Variants in B3GALT5 observed in about 807,000 individuals in gnomAD.
B3GALT5 encodes beta-1,3-galactosyltransferase 5, also known as UDP-Gal:betaGlcNAc beta 1,3-galactosyltransferase, polypeptide 5.
For missense variants in B3GALT5, 328 were observed against 396.6 expected (o/e 0.83, Z 1.47); for synonymous variants, 156 against 158.6 (o/e 0.98, Z 0.12).
chr21:39,639,627 G>A (rs1329232514), intron 1 of B3GALT5, among the ~76,000 whole-genome samples: 16 of 151,260 alleles, frequency 1.1e-4, no homozygotes, highest in African/African-American at 3.9e-4. Flanking sequence ...TTACAGGCGG[G>A]TGCCACCACG....
intron 2 of B3GALT5, among the ~76,000 whole-genome samples, chr21:39,655,801 T>A (rs868258112): frequency 6.6e-6 from 1 of 152,100 alleles, no homozygotes; most frequent in African/African-American, 2.4e-5. Context: ...GCGGGGAGGC[T>A]CCAGGCCATG....
chr21:39,646,059 A>G (rs977643284), intron 1 of B3GALT5, among the ~76,000 whole-genome samples: 1 of 151,464 alleles, frequency 6.6e-6, no homozygotes, highest in African/African-American at 2.4e-5. Flanking sequence ...TTGATTCTAC[A>G]TGCTTTTTAA....
chr21:39,628,927 CAG>C (rs2079177811), intron 1 of B3GALT5, among the ~76,000 whole-genome samples: 1 of 152,126 alleles, frequency 6.6e-6, no homozygotes, highest in African/African-American at 2.4e-5. Context: ...TAACTGTGCC[CAG>C]AGTCTTGTAA....
Position 39,665,218 on chromosome 21 carries a change from A to C in B3GALT5, c.*3726A>C, listed in dbSNP as rs1407996283. 1 of 152,082 alleles carries C rather than the reference A, an allele frequency of 6.6e-6. No individual in the cohort carries two copies. Among genetic ancestry groups the C allele is most frequent in the Non-Finnish European group, 1.5e-5 (1 of 68,084 alleles). 9.4% of individuals were successfully genotyped at this position (152,082 alleles called of 1,614,324 possible). A position where few individuals can be genotyped will look rare whatever the true frequency, so the allele number is the denominator to read the frequency against. On this transcript the variant is annotated 3_prime_UTR_variant, in exon 4 of 4. Transcript: ENST00000684187. ...CCTCTCCCATCTGGTGCATCAGGAA[A>C]GACTGTGGGAACTACCTTCAAATTC...
rs1401833150 is a variant in B3GALT5 at position 39,662,782 on chromosome 21, A to G, written c.*1290A>G. 6.0e-6 allele frequency: 1 copy of G among 167,114 alleles called. No homozygotes were observed. Among genetic ancestry groups the G allele is most frequent in the Middle Eastern group, 3.1e-3 (1 of 318 alleles). 10.4% of individuals were successfully genotyped at this position (167,114 alleles called of 1,614,324 possible). ...ATGCAAAGTAATCTTGCTCCTAATT[A>G]TAGAAATGATTTTTCTTTTAATTTT... is the stretch of plus-strand genomic sequence containing the variant. On this transcript the variant is annotated 3_prime_UTR_variant, in exon 4 of 4. Transcript: ENST00000684187.
intron 1 of B3GALT5, among the ~76,000 whole-genome samples, chr21:39,615,012 C>T (rs1029855178): frequency 2.6e-5 from 4 of 152,184 alleles, no homozygotes; most frequent in Non-Finnish European, 5.9e-5. Context: ...CTATAACAGC[C>T]TTGTTCCTGG....
chr21:39,634,553 C>T (rs900868072), intron 1 of B3GALT5, among the ~76,000 whole-genome samples: 6 of 151,966 alleles, frequency 3.9e-5, no homozygotes, highest in Non-Finnish European at 7.4e-5. Context: ...CTGCGGGTCG[C>T]TCACATCTAT....
chr21:39,655,642 C>T (rs534076202), intron 2 of B3GALT5, among the ~76,000 whole-genome samples: 9 of 152,280 alleles, frequency 5.9e-5, no homozygotes, highest in African/African-American at 1.9e-4. Flanking sequence ...GGGCATTCCT[C>T]TTTAAGGAAA....
intron 1 of B3GALT5, among the ~76,000 whole-genome samples, chr21:39,646,039 A>G (rs953591062): frequency 2.0e-5 from 3 of 151,194 alleles, no homozygotes; most frequent in African/African-American, 7.3e-5. Flanking sequence ...TTATGAAAAC[A>G]TCTCTTTTAT....
intron 1 of B3GALT5, among the ~76,000 whole-genome samples, chr21:39,627,266 A>G (rs2079169068): frequency 6.6e-6 from 1 of 152,166 alleles, no homozygotes; most frequent in Admixed American, 6.6e-5. Context: ...CTGTGATGCC[A>G]TGAAGGGGAA....
intron 2 of B3GALT5, among the ~76,000 whole-genome samples, chr21:39,648,524 G>A (rs540735705): frequency 9.8e-5 from 15 of 152,296 alleles, no homozygotes; most frequent in African/African-American, 3.6e-4. Flanking sequence ...GAAGCACAGT[G>A]GATAGGTTGG....
chr21:39,620,346 C>T (rs2079127987), intron 1 of B3GALT5, among the ~76,000 whole-genome samples: 1 of 152,096 alleles, frequency 6.6e-6, no homozygotes, highest in South Asian at 2.1e-4. Context: ...TTGGAGTTGC[C>T]TGATATTTTC....
chr21:39,619,195 G>T (rs1257874614), intron 1 of B3GALT5, among the ~76,000 whole-genome samples: 2 of 152,028 alleles, frequency 1.3e-5, no homozygotes, highest in African/African-American at 4.8e-5. Context: ...CACGGTTCTG[G>T]AGGCTGGAAG....
In B3GALT5 at chr21:39,663,251, GTGTC is replaced by G. The variant is rs1369714985; in HGVS notation, c.*1763_*1766del. The G allele has an allele frequency of 1.3e-5, 2 of 152,504 alleles. No homozygotes were observed. The highest frequency in any genetic ancestry group is 2.4e-5 in the African/African-American group (1 of 41,458). The allele number at this position is 152,504 out of a possible 1,614,324, so 9.4% of individuals were successfully genotyped here. On this transcript the variant is annotated 3_prime_UTR_variant, in exon 4 of 4. Coordinates refer to ENST00000684187, the MANE Select transcript of B3GALT5 (RefSeq NM_001356336.2). ...TTTCGTGGTCTACCTTGTCAGGTGT[GTGTC>G]TGTGTGGCCACTGGTCTCAGTCGGC...
intron 1 of B3GALT5, among the ~76,000 whole-genome samples, chr21:39,636,006 G>A (rs370942883): frequency 1.3e-5 from 2 of 152,202 alleles, no homozygotes; most frequent in Non-Finnish European, 2.9e-5. Flanking sequence ...AACTAAGATA[G>A]GACATTTTAT....
intron 2 of B3GALT5, among the ~76,000 whole-genome samples, chr21:39,647,797 ATC>A (rs2079355675): frequency 6.6e-6 from 1 of 152,196 alleles, no homozygotes. Flanking sequence ...TTCCAGAATA[ATC>A]TGGGAGAAGA....
At chr21:39,627,615 C>T (rs1027927343) in intron 1 of B3GALT5, among the ~76,000 whole-genome samples, 6 of 151,934 alleles carry the variant, frequency 3.9e-5, no homozygotes, top group African/African-American at 1.2e-4. Flanking sequence ...TTTTTCTGCT[C>T]CTGGACATTT....
chr21:39,643,803 C>T (rs2079312390), intron 1 of B3GALT5, among the ~76,000 whole-genome samples: 1 of 152,140 alleles, frequency 6.6e-6, no homozygotes, highest in African/African-American at 2.4e-5. Context: ...ATCATGCCTT[C>T]TCTCCCTACC....
chr21:39,638,311 G>A (rs1324134779), intron 1 of B3GALT5, among the ~76,000 whole-genome samples: 6 of 152,170 alleles, frequency 3.9e-5, no homozygotes, highest in East Asian at 1.9e-4. Context: ...GTGGCGGGAC[G>A]TCGAGAGGAG....
Sources: gnomAD v4.1 joint callset for allele counts (sites outside exome capture counted in the v4.1 genomes callset) on GRCh38, gnomAD v4.1.1 for gene constraint, MANE v1.5 for transcripts, NCBI Gene and HGNC (gene_info 2026-07-23, HGNC 2026-07-21) for gene names.